Variants in KIF26A observed in about 807,000 individuals in gnomAD.
KIF26A encodes the protein kinesin-like protein KIF26A.
A neutral mutation model predicts 126.0 loss-of-function variants in KIF26A; 74 were observed. The observed-to-expected ratio is 0.59, with a 90% CI of 0.49 to 0.71. KIF26A has a LOEUF of 0.71. Among genes scored for constraint, KIF26A ranks in the 30% least tolerant of loss-of-function variants. The pLI is 0.00. For missense variants in KIF26A, 2,984 were observed against 2,763.3 expected, an observed-to-expected ratio of 1.08 and a Z score of -1.79; for synonymous variants, 1,445 against 1,232.7, an observed-to-expected ratio of 1.17 and a Z score of -3.61.
Position 104,172,520 on chromosome 14 carries a change from C to T in KIF26A, c.1327-55C>T. 4 of 1,391,694 alleles carry T rather than the reference C, an allele frequency of 2.9e-6. No individual in the cohort carries two copies. The South Asian group carries it at 3.7e-5, about 13-fold the overall frequency. 86.2% of individuals were successfully genotyped at this position (1,391,694 alleles called of 1,614,324 possible). A position where few individuals can be genotyped will look rare whatever the true frequency, so the allele number is the denominator to read the frequency against. ...CCAGGACAGACCGGCCTCAGGCCCA[C>T]AGACGTGGCAGAAGGAAGGGGCCAC... is the stretch of plus-strand genomic sequence containing the variant. On this transcript the variant is annotated intron_variant, in intron 6 of 14. Transcript: ENST00000423312.
chr14:104,178,741 GA>G lies in KIF26A; in HGVS notation c.5303del (p.Glu1768GlyfsTer45). 1 of 1,534,656 alleles carries G rather than the reference GA, an allele frequency of 6.5e-7. No homozygotes were observed. The highest frequency in any genetic ancestry group is 1.2e-5 in the South Asian group (1 of 83,316). On this transcript the variant is annotated frameshift_variant, in exon 13 of 15. Coordinates refer to ENST00000423312, the MANE Select transcript of KIF26A (RefSeq NM_015656.2). LOFTEE classifies it high-confidence loss of function. The part of the protein sequence containing the change: ...RLQRPRPTPR[E>X]APTQGLACVS... ...TCAGCGGCCCCGCCCCACCCCGAGGGAGGCCCCCACCCAGGTAGGGCCTTTG... is the reference window on the plus strand; with the variant it reads ...TCAGCGGCCCCGCCCCACCCCGAGGGGGCCCCCACCCAGGTAGGGCCTTTG...
In KIF26A at chr14:104,176,092, G is replaced by T. The variant is rs1309819951; in HGVS notation, c.3304G>T (p.Ala1102Ser). 3.1e-6 allele frequency: 5 copies of T among 1,587,862 alleles called. No homozygotes were observed. In the South Asian group the frequency reaches 4.6e-5, roughly 14 times the overall value. Residue 1102 changes from alanine (A) to serine (S), a missense_variant, in exon 12 of 15, where the codon GCC becomes TCC. Coordinates refer to ENST00000423312, the MANE Select transcript of KIF26A (RefSeq NM_015656.2). ...GGGGCCCCTGGAGGGGGCAGCCTGGGCCGGCAGCAGTCACGGCTCCTCCAT... is the reference window on the plus strand; with the variant it reads ...GGGGCCCCTGGAGGGGGCAGCCTGGTCCGGCAGCAGTCACGGCTCCTCCAT... ...EGGPLEGAAWAGSSHGSSISS... is the reference protein window; with the variant it reads ...EGGPLEGAAWSGSSHGSSISS...
chr14:104,143,209 C>T (rs2037652129), intron 2 of KIF26A, among the ~76,000 whole-genome samples: 1 of 152,248 alleles, frequency 6.6e-6, no homozygotes, highest in Non-Finnish European at 1.5e-5. Context: ...GCTCCAGAAC[C>T]ACTGTTGGTG....
chr14:104,152,138 G>C lies in KIF26A; in HGVS notation c.412G>C (p.Glu138Gln). 1 of 1,611,502 alleles carries C rather than the reference G, an allele frequency of 6.2e-7. No individual in the cohort carries two copies. Among genetic ancestry groups the C allele is most frequent in the Non-Finnish European group, 8.5e-7 (1 of 1,179,540 alleles). The change falls in exon 3 of 15, where the codon GAG becomes CAG. Residue 138 changes from glutamate to glutamine, a missense_variant. Coordinates refer to ENST00000423312, the MANE Select transcript of KIF26A (RefSeq NM_015656.2). This position sits in a 1 kb window ranked among gnomAD's most constrained non-coding sequence, Gnocchi z 5.9. The part of the protein sequence containing the change: ...CATHLQQLTR[E>Q]AMHLLQAPAS... Reference sequence around the variant, plus strand: ...CACACACCTGCAGCAGCTCACACGGGAGGCCATGCACCTGCTGCAGGCCCC... The same window carrying C: ...CACACACCTGCAGCAGCTCACACGGCAGGCCATGCACCTGCTGCAGGCCCC...
intron 4 of KIF26A, 49 bp downstream of exon 4, chr14:104,157,991 C>T (rs2037798553): frequency 3.4e-6 from 5 of 1,450,488 alleles, no homozygotes; most frequent in Admixed American, 2.7e-5. Flanking sequence ...GCCCCATGGC[C>T]CCGGCTGTGG....
chr14:104,172,977 G>A lies in KIF26A; in HGVS notation c.1421G>A (p.Gly474Asp). Residue 474 changes from glycine (G) to aspartate (D), a missense_variant and splice_region_variant, in exon 8 of 15, where the codon GGC (glycine) becomes GAC (aspartate). Coordinates refer to ENST00000423312, the MANE Select transcript of KIF26A (RefSeq NM_015656.2). ...GGCCTGACGCCTGCGTGGCCCCCAG[G>A]CAAGTCGTACACCATGATCGGGAAG... ...CIFSFGHMSL[G>D]KSYTMIGKDS... is the part of the protein sequence containing the mutation. 6.3e-7 allele frequency: 1 copy of A among 1,586,724 alleles called. No individual in the cohort carries two copies. The highest frequency in any genetic ancestry group is 1.1e-5 in the South Asian group (1 of 88,770).
At chr14:104,165,611 CTG>C (rs2037885992) in intron 4 of KIF26A, among the ~76,000 whole-genome samples, 2 of 134,716 alleles carry the variant, frequency 1.5e-5, no homozygotes, top group Admixed American at 1.4e-4. Flanking sequence ...GTGTGTGTCT[CTG>C]TCTCTGTATG....
chr14:104,150,218 T>TCCTCCTCCC (rs1334966363), intron 2 of KIF26A, among the ~76,000 whole-genome samples: 6 of 75,632 alleles, frequency 7.9e-5, no homozygotes, highest in African/African-American at 2.3e-4. Flanking sequence ...CTCCTCCTCC[T>TCCTCCTCCC]CCTCCTCCCC....
intron 4 of KIF26A, among the ~76,000 whole-genome samples, chr14:104,163,318 G>A (rs890526017): frequency 2.6e-5 from 4 of 152,184 alleles, no homozygotes; most frequent in South Asian, 2.1e-4. Context: ...TGCCCTCTGC[G>A]CTTCCCAGCG....
chr14:104,179,926 GA>G lies in KIF26A; in HGVS notation c.*137del. The G allele has an allele frequency of 2.0e-6, 2 of 978,336 alleles. No individual in the cohort carries two copies. Among genetic ancestry groups the G allele is most frequent in the Non-Finnish European group, 2.9e-6 (2 of 692,352 alleles). 60.6% of individuals were successfully genotyped at this position (978,336 alleles called of 1,614,324 possible). On this transcript the variant is annotated 3_prime_UTR_variant, in exon 15 of 15. Coordinates refer to ENST00000423312, the MANE Select transcript of KIF26A (RefSeq NM_015656.2). Reference sequence around the variant, plus strand: ...TGCAGGACGGGAGTCTCAGAGAGGAGACGGAGTGTGGGGGAGGGAGGGCCGG... The same window carrying G: ...TGCAGGACGGGAGTCTCAGAGAGGAGCGGAGTGTGGGGGAGGGAGGGCCGG...
At chr14:104,162,547 G>C (rs2037842941) in intron 4 of KIF26A, among the ~76,000 whole-genome samples, 2 of 152,198 alleles carry the variant, frequency 1.3e-5, no homozygotes, top group Admixed American at 1.3e-4. Flanking sequence ...TCCAAGTGCT[G>C]CTCCAGTCTC....
rs1566865653 is a variant in KIF26A at position 104,176,054 on chromosome 14, AGGCCCCTGAGGGGG to A, written c.3275_3288del (p.Glu1092GlyfsTer30). On this transcript the variant is annotated frameshift_variant, in exon 12 of 15. Transcript: ENST00000423312. LOFTEE classifies it high-confidence loss of function. ...GATGAGTTTGACGCCTACACCTCTC[AGGCCCCTGAGGGGG>A]GGCCCCTGGAGGGGGCAGCCTGGGC... The A allele has an allele frequency of 6.3e-7, 1 of 1,596,022 alleles. No homozygotes were observed. The highest frequency in any genetic ancestry group is 1.7e-4 in the Middle Eastern group (1 of 6,038).
At chr14:104,153,261 C>T (rs2141096129) in intron 3 of KIF26A, among the ~76,000 whole-genome samples, 1 of 152,206 alleles carries the variant, frequency 6.6e-6, no homozygotes, top group East Asian at 1.9e-4. Context: ...GCAGTGGCTG[C>T]TGGGCTGGTC....
At chr14:104,138,983 G>C (rs1477116200) in intron 1 of KIF26A, 60 bp from the exon 2 acceptor site, 10 of 1,314,442 alleles carry the variant, frequency 7.6e-6, no homozygotes, top group East Asian at 6.3e-5. Flanking sequence ...GGGCGCGCAG[G>C]GGTCTGGATC....
chr14:104,178,469 C>A, intron 12 of KIF26A, 81 bp from the exon 13 acceptor site: 1 of 1,080,310 alleles, frequency 9.3e-7, no homozygotes. Flanking sequence ...GGACTCGGGC[C>A]GGCTCCGCAG....
intron 3 of KIF26A, among the ~76,000 whole-genome samples, chr14:104,155,782 G>A (rs978256782): frequency 4.6e-5 from 7 of 152,250 alleles, no homozygotes; most frequent in African/African-American, 9.6e-5. Flanking sequence ...GGCCTGTACC[G>A]TTGCTGGGCG....
chr14:104,178,966 CAGTG>C (rs924373508), intron 13 of KIF26A, among the ~76,000 whole-genome samples: 7 of 152,194 alleles, frequency 4.6e-5, no homozygotes, highest in Non-Finnish European at 7.4e-5. Context: ...TCCCCTTGGG[CAGTG>C]GGTGGGTGGC....
In KIF26A at chr14:104,173,213, C is replaced by T. The variant is rs751742074; in HGVS notation, c.1657C>T (p.Arg553Trp). 39 of 1,610,302 alleles carry T rather than the reference C, an allele frequency of 2.4e-5. No homozygotes were observed. The highest frequency in any genetic ancestry group is 6.7e-5 in the African/African-American group (5 of 74,870). ...QDTQSPGVYL[R>W]EDPVCGAQLQ... Reference sequence around the variant, plus strand: ...CACCCAGTCTCCGGGAGTGTACCTGCGGGAGGACCCCGTGTGTGGGGCGCA... The same window carrying T: ...CACCCAGTCTCCGGGAGTGTACCTGTGGGAGGACCCCGTGTGTGGGGCGCA... The change falls in exon 8 of 15, where the codon CGG becomes TGG. Residue 553 changes from arginine (R) to tryptophan (W), a missense_variant. Coordinates refer to ENST00000423312, the MANE Select transcript of KIF26A (RefSeq NM_015656.2).
intron 4 of KIF26A, among the ~76,000 whole-genome samples, chr14:104,165,346 T>TG (rs533008200): frequency 7.2e-6 from 1 of 138,426 alleles, no homozygotes; most frequent in Non-Finnish European, 1.5e-5. Flanking sequence ...TGTGTCTGTA[T>TG]CATGTGTGCG....
Sources: allele counts gnomAD v4.1 joint callset (sites outside exome capture counted in the v4.1 genomes callset), GRCh38; gene constraint gnomAD v4.1.1; non-coding constraint Gnocchi (gnomAD v3.1); transcripts MANE v1.5; gene names NCBI Gene and HGNC (gene_info 2026-07-23, HGNC 2026-07-21).